The following ICA1 variants were observed in gnomAD, a reference collection of about 807,000 sequenced individuals.
ICA1 encodes 69 kDa islet cell autoantigen.
Under a neutral mutation model 71.0 loss-of-function variants are expected in ICA1, and 40 were observed. That is an observed-to-expected ratio of 0.56 (90% CI 0.44 to 0.73). ICA1 has a LOEUF of 0.73. Ranked by LOEUF, ICA1 falls within the 30% of genes least tolerant of loss-of-function variation. ICA1 has a pLI of 0.00. For missense variants in ICA1, 578 were observed against 576.5 expected (o/e 1.00, Z -0.03); for synonymous variants, 207 against 209.5 (o/e 0.99, Z 0.10).
chr7:8,241,174 G>T (rs141821166), intron 1 of ICA1, among the ~76,000 whole-genome samples: 1,626 of 152,252 alleles, frequency 0.011, 14 homozygotes, highest in Admixed American at 0.022. Flanking sequence ...AGAAAGGTTG[G>T]GTTACCCACA....
At position 8,127,907 on chromosome 7, in the gene ICA1, G is replaced by A. The variant is rs1010632264; in HGVS notation, c.1296C>T (p.Asp432=). The change falls in exon 13 of 14, where the codon GAC becomes GAT. Residue 432 remains aspartate, a synonymous_variant. Coordinates refer to ENST00000402384, the MANE Select transcript of ICA1 (RefSeq NM_001136020.3). ...GSGFLPSQLL[D]QNMKDLQASL... is the part of the protein sequence containing the mutation. ...AGGCCTGTAAGTCTTTCATATTTTG[G>A]TCTAAAAGCTGCGAAGGAAGGAAAC... 4 of 1,614,184 alleles carry A rather than the reference G, an allele frequency of 2.5e-6. No homozygotes were observed. Among genetic ancestry groups the A allele is most frequent in the Non-Finnish European group, 3.4e-6 (4 of 1,180,028 alleles).
intron 7 of ICA1, 196 bp downstream of exon 7, chr7:8,158,331 G>T (rs1802465337): frequency 5.0e-6 from 3 of 599,738 alleles, no homozygotes. Context: ...GGAAATTATG[G>T]TATATACAGG....
chr7:8,260,152 C>A (rs1811741469), intron 1 of ICA1, among the ~76,000 whole-genome samples: 1 of 152,132 alleles, frequency 6.6e-6, no homozygotes, highest in Admixed American at 6.5e-5. Context: ...AAGTTCATAC[C>A]AAACATAGGT....
chr7:8,185,907 C>G lies in ICA1; in HGVS notation c.580-27255G>C, dbSNP rs185435811. 1.7e-3 allele frequency among the ~76,000 whole-genome samples: 264 copies of G among 152,246 alleles called. 1 individual carries two copies. The highest frequency in any genetic ancestry group is 6.0e-3 in the African/African-American group (251 of 41,532). ...TGTTATTTTTCCAGGCATGTAGGAGCCTGGGTTAGATGCTACAGGAAACAC... is the reference window on the plus strand; with the variant it reads ...TGTTATTTTTCCAGGCATGTAGGAGGCTGGGTTAGATGCTACAGGAAACAC... On this transcript the variant is annotated intron_variant, in intron 6 of 13. Coordinates refer to ENST00000402384, the MANE Select transcript of ICA1 (RefSeq NM_001136020.3).
chr7:8,179,964 C>T (rs546052070), intron 6 of ICA1, among the ~76,000 whole-genome samples: 3 of 152,022 alleles, frequency 2.0e-5, no homozygotes, highest in Non-Finnish European at 2.9e-5. Flanking sequence ...GTAAGCTCTA[C>T]GACTCTATTC....
At position 8,221,386 on chromosome 7, in the gene ICA1, T is replaced by G; in HGVS notation, c.269A>C (p.Glu90Ala). ...YQKRICFLSQ[E>A]ENELGKFLRS... The stretch of plus-strand genomic sequence containing the variant: ...AAGAAATTTTCCCAGTTCGTTTTCT[T>G]CTTGAGACAAGACTGATGAAGAAAA... Residue 90 changes from glutamate to alanine, a missense_variant, in exon 5 of 14, where the codon GAA becomes GCA. By Grantham distance (107) the Glu-to-Ala change is moderately radical. Transcript: ENST00000402384. 6.2e-7 allele frequency: 1 copy of G among 1,613,526 alleles called. No homozygotes were observed. Among genetic ancestry groups the G allele is most frequent in the Non-Finnish European group, 8.5e-7 (1 of 1,179,566 alleles).
chr7:8,257,210 T>C (rs1044586461), intron 1 of ICA1, among the ~76,000 whole-genome samples: 3 of 152,266 alleles, frequency 2.0e-5, no homozygotes, highest in African/African-American at 7.2e-5. Context: ...CCTTGATAGT[T>C]GTCAGGGTTC....
intron 13 of ICA1, 94 bp downstream of exon 13, chr7:8,127,779 T>G: frequency 1.3e-5 from 18 of 1,354,458 alleles, no homozygotes; most frequent in Middle Eastern, 1.9e-4. Context: ...GAGAAAACAT[T>G]AAAAAAGACA....
At chr7:8,152,560 C>T (rs1006749965) in intron 8 of ICA1, among the ~76,000 whole-genome samples, 5 of 141,714 alleles carry the variant, frequency 3.5e-5, no homozygotes, top group African/African-American at 1.5e-4. Context: ...ACCTCCACCA[C>T]CACCACCACC....
At chr7:8,229,313 C>T (rs542264694) in intron 3 of ICA1, among the ~76,000 whole-genome samples, 3 of 152,144 alleles carry the variant, frequency 2.0e-5, no homozygotes, top group African/African-American at 7.2e-5. Context: ...GCCATACTAG[C>T]GGAAACTGGG....
At chr7:8,247,287 C>CA (rs1806392330) in intron 1 of ICA1, among the ~76,000 whole-genome samples, 1 of 151,760 alleles carries the variant, frequency 6.6e-6, no homozygotes, top group African/African-American at 2.4e-5. Flanking sequence ...TCTGTCTCTA[C>CA]AAAAAAATAA....
intron 10 of ICA1, among the ~76,000 whole-genome samples, chr7:8,140,364 T>A (rs1584444557): frequency 6.6e-6 from 1 of 152,204 alleles, no homozygotes; most frequent in East Asian, 1.9e-4. Flanking sequence ...TTTCTCCAGG[T>A]CCTCCTGTGC....
At chr7:8,152,655 A>ATCACCT (rs1799460937) in intron 8 of ICA1, among the ~76,000 whole-genome samples, 1 of 142,418 alleles carries the variant, frequency 7.0e-6, no homozygotes, top group African/African-American at 2.6e-5. Flanking sequence ...CACCACCACC[A>ATCACCT]CCACCACCAC....
intron 6 of ICA1, among the ~76,000 whole-genome samples, chr7:8,186,743 T>C (rs1035535364): frequency 9.9e-5 from 15 of 152,178 alleles, no homozygotes; most frequent in African/African-American, 3.6e-4. Flanking sequence ...TGTACTTTCA[T>C]GCATAATGTA....
chr7:8,153,782 C>A (rs915657304), intron 8 of ICA1, among the ~76,000 whole-genome samples: 2 of 149,758 alleles, frequency 1.3e-5, no homozygotes, highest in African/African-American at 4.9e-5. Context: ...GAAAGATAGT[C>A]CCAGATGATT....
At chr7:8,127,531 G>A (rs1236953845) in intron 13 of ICA1, among the ~76,000 whole-genome samples, 1 of 152,166 alleles carries the variant, frequency 6.6e-6, no homozygotes, top group Non-Finnish European at 1.5e-5. Context: ...TTATGGGAAC[G>A]TGGTGAACTC....
intron 6 of ICA1, among the ~76,000 whole-genome samples, chr7:8,196,397 A>G (rs1356228749): frequency 6.6e-6 from 1 of 152,226 alleles, no homozygotes; most frequent in East Asian, 1.9e-4. Flanking sequence ...TGCTCGGGCA[A>G]TGAAACTACC....
At chr7:8,236,027 T>C in intron 1 of ICA1, 22 bp from the exon 2 acceptor site, 3 of 1,230,888 alleles carry the variant, frequency 2.4e-6, no homozygotes, top group South Asian at 1.3e-5. Context: ...CAAATATGTT[T>C]AATAGTTACA....
intron 1 of ICA1, among the ~76,000 whole-genome samples, chr7:8,245,418 G>A (rs1376636122): frequency 7.9e-6 from 1 of 126,468 alleles, no homozygotes; most frequent in Admixed American, 8.5e-5. Flanking sequence ...GTGGGGTGGG[G>A]GGTGGGGGCA....
Sources: allele counts gnomAD v4.1 joint callset (sites outside exome capture counted in the v4.1 genomes callset), GRCh38; gene constraint gnomAD v4.1.1; transcripts MANE v1.5; gene names NCBI Gene and HGNC (gene_info 2026-07-23, HGNC 2026-07-21).